DOCK3: variants seen among roughly 807,000 people sequenced by gnomAD.
DOCK3 encodes the protein dedicator of cytokinesis 3, also known as dedicator of cytokinesis protein 3.
Under a neutral mutation model 265.6 loss-of-function variants are expected in DOCK3, and 60 were observed. The ratio of observed to expected loss-of-function variants is 0.23; its 90% CI spans 0.18 to 0.28. The LOEUF (loss-of-function observed/expected upper bound fraction) is 0.28. Among genes scored for constraint, DOCK3 ranks in the 10% least tolerant of loss-of-function variants. DOCK3 has a pLI of 1.00. For synonymous variants in DOCK3, 881 were observed against 938.0 expected, an observed-to-expected ratio of 0.94 and a Z score of 1.11; for missense variants, 1,981 against 2,594.3, an observed-to-expected ratio of 0.76 and a Z score of 5.14.
chr3:51,024,389 T>C (rs1034874409), intron 5 of DOCK3, among the ~76,000 whole-genome samples: 2 of 152,196 alleles, frequency 1.3e-5, no homozygotes, highest in Non-Finnish European at 2.9e-5. Context: ...TATCCCTGGG[T>C]AGTCACTGGT....
chr3:51,136,663 G>T (rs1373500060), intron 9 of DOCK3, among the ~76,000 whole-genome samples: 1 of 152,076 alleles, frequency 6.6e-6, no homozygotes, highest in Non-Finnish European at 1.5e-5. Flanking sequence ...TCAGCATTTA[G>T]CTCGGTTTCT....
At chr3:51,050,244 G>A (rs902650479) in intron 5 of DOCK3, among the ~76,000 whole-genome samples, 14 of 151,912 alleles carry the variant, frequency 9.2e-5, no homozygotes, top group Non-Finnish European at 1.9e-4. Flanking sequence ...ACAATTACCC[G>A]GACATTATTG....
At chr3:51,193,377 C>T (rs1375555118) in intron 12 of DOCK3, among the ~76,000 whole-genome samples, 3 of 152,018 alleles carry the variant, frequency 2.0e-5, no homozygotes, top group Admixed American at 6.6e-5. Context: ...ATATAGTTTT[C>T]GTTGTTGTTG....
chr3:50,906,312 T>G (rs1280679930), intron 4 of DOCK3, among the ~76,000 whole-genome samples: 2 of 152,088 alleles, frequency 1.3e-5, no homozygotes, highest in Non-Finnish European at 2.9e-5. Flanking sequence ...CTTTTTCTAT[T>G]GATTGGAATA....
At chr3:50,844,902 G>A (rs1184799409) in intron 3 of DOCK3, among the ~76,000 whole-genome samples, 1 of 152,154 alleles carries the variant, frequency 6.6e-6, no homozygotes, top group Non-Finnish European at 1.5e-5. Context: ...AAAATGCCAT[G>A]TTATGTATTT....
At chr3:51,366,700 A>C (rs1232466575) in intron 49 of DOCK3, among the ~76,000 whole-genome samples, 2 of 152,058 alleles carry the variant, frequency 1.3e-5, no homozygotes, top group African/African-American at 4.8e-5. Context: ...CTTTGTTCTC[A>C]TTGGTTTCAA....
intron 5 of DOCK3, among the ~76,000 whole-genome samples, chr3:51,055,592 G>GT (rs2081167594): frequency 6.6e-6 from 1 of 152,154 alleles, no homozygotes; most frequent in Non-Finnish European, 1.5e-5. Flanking sequence ...TCTGTCCTGT[G>GT]TAGTAGGAGT....
In DOCK3 at chr3:51,357,820, C is replaced by T; in HGVS notation, c.4746C>T (p.Leu1582=). The T allele has an allele frequency of 6.2e-7, 1 of 1,614,010 alleles. No individual in the cohort carries two copies. The change falls in exon 45 of 53, where the codon CTC becomes CTT. Residue 1582 remains leucine, a synonymous_variant. Transcript: ENST00000266037. ...HPGDAEKITQ[L]KELMQEQVHV... The stretch of plus-strand genomic sequence containing the variant: ...GAGATGCTGAGAAGATCACCCAGCT[C>T]AAGGAGCTTATGCAGGAGCAGGTAT...
rs1346609564 is a variant in DOCK3, at chr3:51,270,821, C to A, written c.2362C>A (p.Leu788Ile). 1 of 1,613,374 alleles carries A rather than the reference C, an allele frequency of 6.2e-7. No individual in the cohort carries two copies. The highest frequency in any genetic ancestry group is 8.5e-7 in the Non-Finnish European group (1 of 1,179,562). ...SETLLFTQAA[L>I]LNSFPTIFDE... ...GCTTCATTTGCTTCTGCAGGCTGCACTCCTCAATTCTTTCCCAACCATCTT... is the reference window on the plus strand; with the variant it reads ...GCTTCATTTGCTTCTGCAGGCTGCAATCCTCAATTCTTTCCCAACCATCTT... The change falls in exon 24 of 53, where the codon CTC (leucine) becomes ATC (isoleucine). Residue 788 changes from leucine to isoleucine, a missense_variant. Coordinates refer to ENST00000266037, the MANE Select transcript of DOCK3 (RefSeq NM_004947.5).
chr3:50,998,397 C>G (rs2078356150), intron 5 of DOCK3, among the ~76,000 whole-genome samples: 1 of 152,162 alleles, frequency 6.6e-6, no homozygotes, highest in Non-Finnish European at 1.5e-5. Flanking sequence ...AAACAACAAA[C>G]TCTTCAGGTG....
chr3:50,925,768 A>T (rs1193545505), intron 4 of DOCK3, among the ~76,000 whole-genome samples: 1 of 151,658 alleles, frequency 6.6e-6, no homozygotes, highest in Non-Finnish European at 1.5e-5. Context: ...GGCGGTAGGT[A>T]AAACTGTTCT....
intron 4 of DOCK3, among the ~76,000 whole-genome samples, chr3:50,903,124 T>C (rs2049289706): frequency 1.3e-5 from 2 of 152,168 alleles, no homozygotes; most frequent in Non-Finnish European, 2.9e-5. Context: ...CAAACAAAGT[T>C]AATTTGACTT....
chr3:50,978,369 A>T (rs1456547044), intron 5 of DOCK3, among the ~76,000 whole-genome samples: 1 of 151,486 alleles, frequency 6.6e-6, no homozygotes, highest in African/African-American at 2.4e-5. Context: ...AACAGGCAGG[A>T]CCCTCAGCTG....
chr3:50,954,719 A>G (rs529470278), intron 5 of DOCK3, among the ~76,000 whole-genome samples: 2 of 152,234 alleles, frequency 1.3e-5, no homozygotes, highest in East Asian at 3.9e-4. Flanking sequence ...GATGATGGAT[A>G]TTAGAATTTT....
intron 1 of DOCK3, among the ~76,000 whole-genome samples, chr3:50,728,905 T>G (rs2038006708): frequency 3.2e-3 from 1 of 314 alleles, no homozygotes; most frequent in African/African-American, 0.017. Flanking sequence ...ATATTTTTAG[T>G]GGAGATGGGG....
rs1436269055 is a variant in DOCK3 at position 51,348,905 on chromosome 3, C to T, written c.3969C>T (p.Ser1323=). Residue 1323 remains serine (S), a synonymous_variant, in exon 39 of 53, where the codon AGC becomes AGT. Coordinates refer to ENST00000266037, the MANE Select transcript of DOCK3 (RefSeq NM_004947.5). Reference sequence around the variant, plus strand: ...GGGAGCTGGCGTGTCAGTACGAGAGCCTCTATGATTACCAGAGCCTCAGCT... The same window carrying T: ...GGGAGCTGGCGTGTCAGTACGAGAGTCTCTATGATTACCAGAGCCTCAGCT... ...LCRELACQYE[S]LYDYQSLSWI... The T allele has an allele frequency of 4.4e-6, 7 of 1,583,268 alleles. No homozygotes were observed. The highest frequency in any genetic ancestry group is 6.0e-6 in the Non-Finnish European group (7 of 1,164,516).
At chr3:50,708,603 T>C (rs1448060428) in intron 1 of DOCK3, among the ~76,000 whole-genome samples, 3 of 152,242 alleles carry the variant, frequency 2.0e-5, no homozygotes, top group Non-Finnish European at 4.4e-5. Flanking sequence ...TAATGCCTTC[T>C]CTGCAATAAT....
chr3:50,901,177 A>AG (rs34047971), intron 4 of DOCK3, among the ~76,000 whole-genome samples: 1 of 151,744 alleles, frequency 6.6e-6, no homozygotes, highest in Non-Finnish European at 1.5e-5. Flanking sequence ...CCCTGCCCAG[A>AG]GGAGGAATCC....
chr3:50,815,920 A>G lies in DOCK3; in HGVS notation c.122-25755A>G, dbSNP rs190727097. Among the ~76,000 whole-genome samples the G allele has an allele frequency of 4.6e-5, 7 of 152,332 alleles. No individual in the cohort carries two copies. In the East Asian group the frequency reaches 1.2e-3, roughly 25 times the overall value. On this transcript the variant is annotated intron_variant, in intron 2 of 52. Coordinates refer to ENST00000266037, the MANE Select transcript of DOCK3 (RefSeq NM_004947.5). ...ACAGAGAAGTGGAAAAATAGAAAAA[A>G]CACTTGACTGGTTAACATCAGCTTA...
Sources: gnomAD v4.1 joint callset for allele counts (sites outside exome capture counted in the v4.1 genomes callset) on GRCh38, gnomAD v4.1.1 for gene constraint, MANE v1.5 for transcripts, NCBI Gene and HGNC (gene_info 2026-07-23, HGNC 2026-07-21) for gene names.